ST6GAL2: variants seen among roughly 807,000 people sequenced by gnomAD.
ST6GAL2 encodes ST6 beta-galactoside alpha-2,6-sialyltransferase 2.
A neutral mutation model predicts 37.5 loss-of-function variants in ST6GAL2; 24 were observed. That is an observed-to-expected ratio of 0.64 (90% CI 0.46 to 0.90). The LOEUF is 0.90. Ranked by LOEUF, ST6GAL2 falls within the 40% of genes least tolerant of loss-of-function variation. The pLI, the probability that ST6GAL2 is intolerant of heterozygous loss-of-function variation, is 0.00. For missense variants in ST6GAL2, 715 were observed against 712.7 expected (o/e 1.00, Z -0.04); for synonymous variants, 306 against 295.1 (o/e 1.04, Z -0.38).
intron 5 of ST6GAL2, chr2:106,813,174 G>A (rs1271761670): frequency 1.5e-5 from 20 of 1,331,482 alleles, no homozygotes; most frequent in African/African-American, 9.3e-5. Context: ...GTGCAGTCGC[G>A]TGATCTCGGC....
At chr2:106,864,285 T>C (rs1377169128) in intron 1 of ST6GAL2, among the ~76,000 whole-genome samples, 1 of 152,212 alleles carries the variant, frequency 6.6e-6, no homozygotes, top group East Asian at 1.9e-4. Context: ...AAGGGTTGTT[T>C]TCTTAAGCCT....
intron 1 of ST6GAL2, among the ~76,000 whole-genome samples, chr2:106,848,192 T>C (rs1356654250): frequency 1.3e-5 from 2 of 151,982 alleles, no homozygotes; most frequent in East Asian, 3.9e-4. Context: ...TTTCATCTGA[T>C]TGATCTTTCT....
At chr2:106,870,317 T>C (rs1227264409) in intron 1 of ST6GAL2, among the ~76,000 whole-genome samples, 1 of 152,210 alleles carries the variant, frequency 6.6e-6, no homozygotes, top group Non-Finnish European at 1.5e-5. Context: ...GAATGTTTAA[T>C]AGTAATTCAC....
At position 106,867,501 on chromosome 2, in the gene ST6GAL2, A is replaced by G. The variant is rs565134630; in HGVS notation, c.-58+18592T>C. Among the ~76,000 whole-genome samples the G allele has an allele frequency of 6.6e-5, 10 of 152,334 alleles. No homozygotes were observed. In the South Asian group the frequency reaches 2.1e-3, roughly 32 times the overall value. On this transcript the variant is annotated intron_variant, in intron 1 of 5. Coordinates refer to ENST00000409382, the MANE Select transcript of ST6GAL2 (RefSeq NM_001142351.2). ...ATCTAACTCTGTTACCCGGTGGTGC[A>G]TCGGCAAAGCCTATGATTTTGGAGA... is the stretch of plus-strand genomic sequence containing the variant.
At chr2:106,809,291 ACAC>A (rs1354932243) in intron 5 of ST6GAL2, among the ~76,000 whole-genome samples, 1 of 152,216 alleles carries the variant, frequency 6.6e-6, no homozygotes, top group African/African-American at 2.4e-5. Context: ...ATTTATTACA[ACAC>A]TTTGCTTGCA....
At chr2:106,880,545 G>A (rs1189598471) in intron 1 of ST6GAL2, among the ~76,000 whole-genome samples, 1 of 152,200 alleles carries the variant, frequency 6.6e-6, no homozygotes, top group Non-Finnish European at 1.5e-5. Context: ...GTCTGCTATT[G>A]TCATAAAGAA....
At chr2:106,807,786 G>A (rs754092971) in intron 5 of ST6GAL2, among the ~76,000 whole-genome samples, 15 of 151,720 alleles carry the variant, frequency 9.9e-5, no homozygotes, top group Non-Finnish European at 1.8e-4. Flanking sequence ...CACCACGCCC[G>A]GCTAATATTT....
At chr2:106,841,530 G>C (rs895528816) in intron 2 of ST6GAL2, among the ~76,000 whole-genome samples, 1 of 152,178 alleles carries the variant, frequency 6.6e-6, no homozygotes, top group Admixed American at 6.6e-5. Context: ...TTTGTCAAAT[G>C]AATGAGCCTA....
At chr2:106,848,011 A>T (rs1250109547) in intron 1 of ST6GAL2, among the ~76,000 whole-genome samples, 1 of 151,662 alleles carries the variant, frequency 6.6e-6, no homozygotes, top group African/African-American at 2.4e-5. Flanking sequence ...AAAGTTCAAA[A>T]AGTTTGAACC....
At chr2:106,864,499 T>C (rs771424967) in intron 1 of ST6GAL2, among the ~76,000 whole-genome samples, 1 of 152,242 alleles carries the variant, frequency 6.6e-6, no homozygotes, top group Admixed American at 6.5e-5. Context: ...ATTATTCTTT[T>C]TGCAAAATGT....
chr2:106,830,025 G>A (rs577051746), intron 5 of ST6GAL2, 41 bp downstream of exon 5: 1 of 1,569,826 alleles, frequency 6.4e-7, no homozygotes, highest in East Asian at 2.2e-5. Flanking sequence ...ATATCATCCT[G>A]TCTGCCCCCC....
At chr2:106,815,145 T>C (rs1675754317) in intron 5 of ST6GAL2, among the ~76,000 whole-genome samples, 1 of 152,244 alleles carries the variant, frequency 6.6e-6, no homozygotes, top group Non-Finnish European at 1.5e-5. Context: ...ACTAGTGTAC[T>C]TTCTTCTGTG....
At chr2:106,877,757 A>T (rs1678567815) in intron 1 of ST6GAL2, among the ~76,000 whole-genome samples, 1 of 152,252 alleles carries the variant, frequency 6.6e-6, no homozygotes, top group African/African-American at 2.4e-5. Context: ...ACAAACAAAC[A>T]AAAACAGGTG....
At chr2:106,869,317 C>G (rs190756896) in intron 1 of ST6GAL2, among the ~76,000 whole-genome samples, 1 of 152,170 alleles carries the variant, frequency 6.6e-6, no homozygotes, top group Non-Finnish European at 1.5e-5. Context: ...CAGAGCTTGT[C>G]TTCTTCCATT....
At chr2:106,841,486 C>T (rs1462500290) in intron 2 of ST6GAL2, among the ~76,000 whole-genome samples, 1 of 152,170 alleles carries the variant, frequency 6.6e-6, no homozygotes, top group Non-Finnish European at 1.5e-5. Context: ...GCTCCTCGTA[C>T]AGAATCAAGC....
rs561108366 is a variant in ST6GAL2 at position 106,843,045 on chromosome 2, G to A, written c.933C>T (p.Gly311=). The A allele has an allele frequency of 1.3e-5, 18 of 1,432,254 alleles. No homozygotes were observed. Among genetic ancestry groups the A allele is most frequent in the African/African-American group, 7.4e-5 (5 of 67,316 alleles). 88.7% of individuals were successfully genotyped at this position (1,432,254 alleles called of 1,614,324 possible). ...CCCGCTGAGACCTACCTATTTCCTC[G>A]CCCAAGGAAGAGTTGAGGATTGCGC... The part of the protein sequence containing the change: ...SAGAILNSSL[G]EEIDSHDAVL... Residue 311 remains glycine (G), a synonymous_variant, in exon 2 of 6, where the codon GGC becomes GGT. Transcript: ENST00000409382.
chr2:106,844,033 ACCTG>A lies in ST6GAL2; in HGVS notation c.-57-3_-57del. ...TTAATGCAGATGGGTGGCAGAATGA[ACCTG>A]AAAAACAGCCAGATGGCAGTTAGCC... is the stretch of plus-strand genomic sequence containing the variant. On this transcript the variant is annotated splice_acceptor_variant and splice_polypyrimidine_tract_variant and 5_prime_UTR_variant and intron_variant, in exon 2 of 6. Transcript: ENST00000409382. LOFTEE classifies it low-confidence loss of function (5UTR_SPLICE). The A allele has an allele frequency of 7.0e-7, 1 of 1,431,512 alleles. No homozygotes were observed. Among genetic ancestry groups the A allele is most frequent in the Admixed American group, 2.1e-5 (1 of 46,580 alleles). 88.7% of individuals were successfully genotyped at this position (1,431,512 alleles called of 1,614,324 possible).
intron 2 of ST6GAL2, among the ~76,000 whole-genome samples, chr2:106,839,057 AAC>A (rs1167106609): frequency 3.5e-4 from 52 of 149,450 alleles, no homozygotes; most frequent in African/African-American, 1.3e-3. Context: ...AAAACAAACA[AAC>A]AAAAAAAACA....
At position 106,843,808 on chromosome 2, in the gene ST6GAL2, T is replaced by C; in HGVS notation, c.170A>G (p.Lys57Arg). ...ETRRLLPVQG[K>R]QRAIMGAAHE... Reference sequence around the variant, plus strand: ...TGCGGCGCCCATGATGGCCCGCTGCTTCCCCTGCACCGGCAGGAGCCTCCT... The same window carrying C: ...TGCGGCGCCCATGATGGCCCGCTGCCTCCCCTGCACCGGCAGGAGCCTCCT... The change falls in exon 2 of 6, where the codon AAG becomes AGG. Residue 57 changes from lysine (K) to arginine (R), a missense_variant. By Grantham distance (26) the Lys-to-Arg change is conservative. Transcript: ENST00000409382. 6.2e-7 allele frequency: 1 copy of C among 1,611,450 alleles called. No individual in the cohort carries two copies. Among genetic ancestry groups the C allele is most frequent in the South Asian group, 1.1e-5 (1 of 91,052 alleles).
Sources: allele counts gnomAD v4.1 joint callset (sites outside exome capture counted in the v4.1 genomes callset), GRCh38; gene constraint gnomAD v4.1.1; transcripts MANE v1.5; gene names NCBI Gene and HGNC (gene_info 2026-07-23, HGNC 2026-07-21).